AMZ1: variants seen among roughly 807,000 people sequenced by gnomAD.
AMZ1 encodes the protein archaemetzincin-1.
Under a neutral mutation model 29.9 loss-of-function variants are expected in AMZ1, and 39 were observed. That is an observed-to-expected ratio of 1.30 (90% CI 1.01 to 1.70). AMZ1 has a LOEUF of 1.70. Among genes scored for constraint, AMZ1 ranks in the 40% most tolerant of loss-of-function variants. AMZ1 has a pLI of 0.00. For synonymous variants in AMZ1, 458 were observed against 304.0 expected (o/e 1.51, Z -5.27); for missense variants, 1,041 against 680.6 (o/e 1.53, Z -5.89).
chr7:2,730,993 G>C (rs567959658), intron 4 of AMZ1: 16 of 531,248 alleles, frequency 3.0e-5, no homozygotes, highest in Non-Finnish European at 4.7e-5. Flanking sequence ...AGTAGCTAAC[G>C]TGACAGTTTC....
intron 3 of AMZ1, among the ~76,000 whole-genome samples, chr7:2,705,338 T>G (rs1034733160): frequency 1.3e-5 from 2 of 152,228 alleles, no homozygotes; most frequent in East Asian, 3.9e-4. Context: ...TTCATCTGTT[T>G]GAGCTCCAGT....
At chr7:2,759,139 CAAAATAAATAAA>C (rs1791437164) in intron 4 of AMZ1, among the ~76,000 whole-genome samples, 2 of 136,882 alleles carry the variant, frequency 1.5e-5, no homozygotes, top group African/African-American at 5.5e-5. Context: ...AACACTGTCT[CAAAATAAATAAA>C]TAAATAAATA....
upstream of AMZ1, among the ~76,000 whole-genome samples, chr7:2,685,855 G>GAA (rs10710624): frequency 2.4e-4 from 21 of 86,730 alleles, no homozygotes; most frequent in South Asian, 8.2e-4. Flanking sequence ...TCCGTCTCAA[G>GAA]AAAAAAAAAA....
chr7:2,738,414 G>A (rs139050108), intron 4 of AMZ1, among the ~76,000 whole-genome samples: 66 of 152,318 alleles, frequency 4.3e-4, no homozygotes, highest in African/African-American at 1.5e-3. Context: ...CGCAGTCAGG[G>A]GCTACGCACC....
chr7:2,742,265 C>T (rs1790545037), intron 4 of AMZ1, among the ~76,000 whole-genome samples: 1 of 152,162 alleles, frequency 6.6e-6, no homozygotes, highest in African/African-American at 2.4e-5. Flanking sequence ...ATCTGCCCGC[C>T]TCAGCCTCCC....
chr7:2,695,738 C>T (rs1787674448), intron 1 of AMZ1, among the ~76,000 whole-genome samples: 1 of 150,094 alleles, frequency 6.7e-6, no homozygotes, highest in Non-Finnish European at 1.5e-5. Flanking sequence ...AGGCCGGGCG[C>T]AGTGGCTCAT....
At position 2,731,527 on chromosome 7, in the gene AMZ1, G is replaced by A; in HGVS notation, n.550+21711G>A. 3 of 1,612,502 alleles carry A rather than the reference G, an allele frequency of 1.9e-6. No homozygotes were observed. The highest frequency in any genetic ancestry group is 2.5e-6 in the Non-Finnish European group (3 of 1,178,880). ...GTTCATGGACTCCACCAGCCGGTTG[G>A]TGCGCCTGTCCTCCATGAGGACCTG... On this transcript the variant is annotated intron_variant and non_coding_transcript_variant, in intron 4 of 4. Transcript: ENST00000489665. The surrounding 1 kb of genome is among the most constrained non-coding windows in gnomAD (Gnocchi z 6.0).
At chr7:2,681,475 G>A (rs986802106) in intron 1 of AMZ1, among the ~76,000 whole-genome samples, 2 of 152,076 alleles carry the variant, frequency 1.3e-5, no homozygotes, top group Non-Finnish European at 2.9e-5. Flanking sequence ...TGCCCAGGCT[G>A]CTCTCAAACT....
intron 4 of AMZ1, among the ~76,000 whole-genome samples, chr7:2,744,693 AG>A (rs1366232420): frequency 6.6e-6 from 1 of 152,242 alleles, no homozygotes; most frequent in Non-Finnish European, 1.5e-5. Context: ...AGTTGAGAAA[AG>A]AAGGCTTCAG....
intron 4 of AMZ1, among the ~76,000 whole-genome samples, chr7:2,739,263 T>TACAGCCTATCAGCCGCCACTCCC (rs1790375639): frequency 6.6e-6 from 1 of 152,230 alleles, no homozygotes; most frequent in African/African-American, 2.4e-5. Context: ...CCACCACTTC[T>TACAGCCTATCAGCCGCCACTCCC]ACAGCCTATC....
At chr7:2,682,922 G>A (rs1383683422) in intron 1 of AMZ1, among the ~76,000 whole-genome samples, 2 of 152,184 alleles carry the variant, frequency 1.3e-5, no homozygotes, top group Admixed American at 6.5e-5. Flanking sequence ...GGCTCATCTT[G>A]CTGTGCGGTG....
At chr7:2,699,221 C>T (rs1391895612) in intron 1 of AMZ1, among the ~76,000 whole-genome samples, 2 of 152,142 alleles carry the variant, frequency 1.3e-5, no homozygotes, top group African/African-American at 2.4e-5. Flanking sequence ...AAATGTAGCC[C>T]GGAACCAAGT....
chr7:2,757,721 G>A (rs1791370205), intron 4 of AMZ1, among the ~76,000 whole-genome samples: 1 of 152,138 alleles, frequency 6.6e-6, no homozygotes, highest in Non-Finnish European at 1.5e-5. Context: ...GTACTTCTTA[G>A]GGCAAAATAA....
chr7:2,691,260 C>G lies in AMZ1; in HGVS notation c.-219+2964C>G, dbSNP rs867022974. Among the ~76,000 whole-genome samples, 16 of 147,672 alleles carry G rather than the reference C, an allele frequency of 1.1e-4. 1 individual carries two copies. The South Asian group carries it at 1.3e-3, about 12-fold the overall frequency. On this transcript the variant is annotated intron_variant, in intron 1 of 6. Transcript: ENST00000683327. Reference sequence around the variant, plus strand: ...GTGGGTGTGGGTGCTGGCAGGAAAGCCCCCTCAAGAGTAGGGGAAGGTCCG... The same window carrying G: ...GTGGGTGTGGGTGCTGGCAGGAAAGGCCCCTCAAGAGTAGGGGAAGGTCCG...
intron 1 of AMZ1, among the ~76,000 whole-genome samples, chr7:2,694,855 T>A (rs1314472516): frequency 6.6e-6 from 1 of 152,094 alleles, no homozygotes; most frequent in African/African-American, 2.4e-5. Context: ...GTACTTTTAG[T>A]AGAGACAGGG....
At chr7:2,746,158 C>T (rs1790753296) in intron 4 of AMZ1, among the ~76,000 whole-genome samples, 1 of 152,170 alleles carries the variant, frequency 6.6e-6, no homozygotes, top group South Asian at 2.1e-4. Context: ...TTCAGCTCTG[C>T]ACCAAGCAGA....
chr7:2,720,724 G>T (rs1789384799), downstream of AMZ1, among the ~76,000 whole-genome samples: 1 of 151,728 alleles, frequency 6.6e-6, no homozygotes, highest in Non-Finnish European at 1.5e-5. Context: ...AATTATTTTA[G>T]ATACAGGGGT....
chr7:2,699,094 C>G (rs764764786), intron 1 of AMZ1, among the ~76,000 whole-genome samples: 1 of 152,138 alleles, frequency 6.6e-6, no homozygotes, highest in Non-Finnish European at 1.5e-5. Flanking sequence ...GTTTCTGGTT[C>G]GTTTCTAGCC....
intron 2 of AMZ1, 81 bp from the exon 3 acceptor site, chr7:2,702,641 G>C (rs1039432101): frequency 2.3e-5 from 33 of 1,432,416 alleles, no homozygotes; most frequent in Non-Finnish European, 2.8e-5. Context: ...CCAGCAGGCC[G>C]GTGTCTGCGA....
Sources: gnomAD v4.1 joint callset for allele counts (sites outside exome capture counted in the v4.1 genomes callset) on GRCh38, gnomAD v4.1.1 for gene constraint, Gnocchi (gnomAD v3.1) non-coding constraint, MANE v1.5 for transcripts, NCBI Gene and HGNC (gene_info 2026-07-23, HGNC 2026-07-21) for gene names.